The following FCHO2 variants were observed in gnomAD, a reference collection of about 807,000 sequenced individuals.
FCHO2 encodes the protein F-BAR domain only protein 2.
A neutral mutation model predicts 114.1 loss-of-function variants in FCHO2; 43 were observed. The ratio of observed to expected loss-of-function variants is 0.38; its 90% CI spans 0.30 to 0.49. FCHO2 has a LOEUF of 0.49. Ranked by LOEUF, FCHO2 falls within the 20% of genes least tolerant of loss-of-function variation. The pLI, the probability that FCHO2 is intolerant of heterozygous loss-of-function variation, is 0.97. For synonymous variants in FCHO2, 293 were observed against 315.2 expected, an observed-to-expected ratio of 0.93 and a Z score of 0.75; for missense variants, 807 against 950.4, an observed-to-expected ratio of 0.85 and a Z score of 1.98.
At chr5:72,980,417 A>T (rs1305086332) in intron 2 of FCHO2, among the ~76,000 whole-genome samples, 1 of 152,138 alleles carries the variant, frequency 6.6e-6, no homozygotes, top group African/African-American at 2.4e-5. Flanking sequence ...AAGAATGTAT[A>T]TTCTGTTGAT....
chr5:72,967,625 TTTG>T (rs1417327965), intron 1 of FCHO2, among the ~76,000 whole-genome samples: 1 of 152,198 alleles, frequency 6.6e-6, no homozygotes, highest in Non-Finnish European at 1.5e-5. Flanking sequence ...TACTTAATTT[TTTG>T]TTGTTGTTTT....
intron 10 of FCHO2, among the ~76,000 whole-genome samples, chr5:73,040,260 T>C (rs1303085991): frequency 6.6e-6 from 1 of 152,194 alleles, no homozygotes; most frequent in Non-Finnish European, 1.5e-5. Flanking sequence ...GCAGAATACA[T>C]CCAGTTGAGT....
At chr5:72,989,358 A>G in intron 2 of FCHO2, 69 bp from the exon 3 acceptor site, 2 of 1,154,504 alleles carry the variant, frequency 1.7e-6, no homozygotes, top group South Asian at 1.5e-5. Flanking sequence ...TTTTAATTGT[A>G]TTTTGATAAC....
intron 12 of FCHO2, among the ~76,000 whole-genome samples, chr5:73,051,992 C>T (rs1236431456): frequency 6.6e-6 from 1 of 152,080 alleles, no homozygotes; most frequent in Non-Finnish European, 1.5e-5. Flanking sequence ...GGTGCGATCT[C>T]GGCTCACTGC....
intron 24 of FCHO2, 76 bp downstream of exon 24, chr5:73,082,901 G>C (rs1743167380): frequency 1.6e-6 from 2 of 1,274,438 alleles, no homozygotes; most frequent in Non-Finnish European, 2.2e-6. Flanking sequence ...TTAAAACAGA[G>C]TCTAGCTTTG....
chr5:72,998,046 T>C (rs1287614831), intron 5 of FCHO2, among the ~76,000 whole-genome samples: 1 of 147,358 alleles, frequency 6.8e-6, no homozygotes, highest in African/African-American at 2.5e-5. Context: ...TGTACAAAAC[T>C]GAAAAAAAAA....
intron 1 of FCHO2, among the ~76,000 whole-genome samples, chr5:72,967,246 C>G (rs918234929): frequency 6.6e-6 from 1 of 152,202 alleles, no homozygotes; most frequent in Non-Finnish European, 1.5e-5. Flanking sequence ...AATTGCACGT[C>G]TGCACTCCAG....
At chr5:72,956,163 A>G (rs1047804439) in intron 1 of FCHO2, 34 bp downstream of exon 1, 31 of 1,530,292 alleles carry the variant, frequency 2.0e-5, no homozygotes, top group Non-Finnish European at 2.7e-5. Context: ...GTGTGTTTCG[A>G]AGTCCAAGGC....
chr5:72,971,287 C>T, intron 2 of FCHO2, among the ~76,000 whole-genome samples: 1 of 151,908 alleles, frequency 6.6e-6, no homozygotes, highest in Admixed American at 6.6e-5. Context: ...CTGACTTCCA[C>T]AGTGGTTGAA....
intron 1 of FCHO2, among the ~76,000 whole-genome samples, chr5:72,965,453 A>G (rs1752150390): frequency 6.6e-6 from 1 of 152,248 alleles, no homozygotes; most frequent in African/African-American, 2.4e-5. Flanking sequence ...AGATACTGAT[A>G]GACTTGCTTG....
At chr5:73,047,562 CTTT>C (rs200064211) in intron 11 of FCHO2, among the ~76,000 whole-genome samples, 1 of 142,236 alleles carries the variant, frequency 7.0e-6, no homozygotes, top group Non-Finnish European at 1.5e-5. Context: ...AACTTTTTTC[CTTT>C]TTTTTTTTTT....
At chr5:73,043,586 ACAT>A (rs1756915499) in intron 11 of FCHO2, among the ~76,000 whole-genome samples, 1 of 152,234 alleles carries the variant, frequency 6.6e-6, no homozygotes, top group Admixed American at 6.5e-5. Context: ...AAAACTGGAA[ACAT>A]CAAAGCATCC....
chr5:73,066,126 T>G (rs1742310667), intron 18 of FCHO2, among the ~76,000 whole-genome samples: 1 of 152,066 alleles, frequency 6.6e-6, no homozygotes, highest in Non-Finnish European at 1.5e-5. Context: ...CAAATAACTT[T>G]AAATTGTAAG....
At chr5:73,048,579 G>A (rs1047883570) in intron 11 of FCHO2, among the ~76,000 whole-genome samples, 1 of 152,196 alleles carries the variant, frequency 6.6e-6, no homozygotes, top group Non-Finnish European at 1.5e-5. Context: ...TTATTCAGCT[G>A]TGCTTGGACA....
rs1303926373 is a variant in FCHO2 at position 73,089,825 on chromosome 5, T to C, written c.*1735T>C. 6.6e-6 allele frequency: 1 copy of C among 152,576 alleles called. No individual in the cohort carries two copies. The highest frequency in any genetic ancestry group is 2.4e-5 in the African/African-American group (1 of 41,456). 9.5% of individuals were successfully genotyped at this position (152,576 alleles called of 1,614,324 possible). On this transcript the variant is annotated 3_prime_UTR_variant, in exon 26 of 26. Coordinates refer to ENST00000430046, the MANE Select transcript of FCHO2 (RefSeq NM_138782.3). ...ATATATAACACAGTATATGCTTTTT[T>C]ATATATTCAATGTTAGCCCAAGTCT...
intron 17 of FCHO2, among the ~76,000 whole-genome samples, chr5:73,062,110 T>A (rs991174183): frequency 2.6e-5 from 4 of 152,002 alleles, no homozygotes; most frequent in African/African-American, 9.7e-5. Context: ...CTGCTTCTAA[T>A]AGAAATTTGT....
chr5:73,054,499 G>C, intron 14 of FCHO2, 26 bp from the exon 15 acceptor site: 1 of 1,526,172 alleles, frequency 6.6e-7, no homozygotes, highest in South Asian at 1.3e-5. Context: ...TTGTTTTATG[G>C]TACCTATTTT....
intron 7 of FCHO2, among the ~76,000 whole-genome samples, chr5:73,016,876 AGAC>A (rs1398298167): frequency 6.6e-6 from 1 of 152,146 alleles, no homozygotes; most frequent in Non-Finnish European, 1.5e-5. Context: ...TGACAGAGTC[AGAC>A]TGTGTGTGTG....
At chr5:73,042,814 A>G (rs1208563200) in intron 11 of FCHO2, among the ~76,000 whole-genome samples, 2 of 152,248 alleles carry the variant, frequency 1.3e-5, no homozygotes, top group Admixed American at 1.3e-4. Context: ...ATAAAAAGAA[A>G]TAAAAGTGAT....
Sources: gnomAD v4.1 joint callset for allele counts (sites outside exome capture counted in the v4.1 genomes callset) on GRCh38, gnomAD v4.1.1 for gene constraint, MANE v1.5 for transcripts, NCBI Gene and HGNC (gene_info 2026-07-23, HGNC 2026-07-21) for gene names.